The following NRG1 variants were observed in gnomAD, a reference collection of about 807,000 sequenced individuals.
NRG1 encodes the protein neuregulin 1, also known as pro-neuregulin-1, membrane-bound isoform.
A neutral mutation model predicts 63.8 loss-of-function variants in NRG1; 18 were observed. The ratio of observed to expected loss-of-function variants is 0.28; its 90% CI spans 0.19 to 0.42. The LOEUF (loss-of-function observed/expected upper bound fraction) is 0.42. Ranked by LOEUF, NRG1 falls within the 10% of genes least tolerant of loss-of-function variation. The probability of loss-of-function intolerance (pLI) is 1.00; values close to 1 mark genes in which losing one functional copy is unlikely to be tolerated. For missense variants in NRG1, 762 were observed against 814.7 expected, an observed-to-expected ratio of 0.94 and a Z score of 0.79; for synonymous variants, 302 against 301.3, an observed-to-expected ratio of 1.00 and a Z score of -0.02.
chr8:31,783,239 A>G (rs1455707106), intron 1 of NRG1, among the ~76,000 whole-genome samples: 2 of 152,244 alleles, frequency 1.3e-5, no homozygotes, highest in Admixed American at 6.5e-5. Context: ...ACCAAAACAC[A>G]TCATAACCAC....
intron 1 of NRG1, among the ~76,000 whole-genome samples, chr8:32,237,781 T>C (rs73578670): frequency 0.018 from 2,741 of 152,266 alleles, 96 homozygotes; most frequent in African/African-American, 0.063. Context: ...CTGGTTATTG[T>C]TATCATTTCG....
chr8:32,610,829 A>T (rs762537906), intron 3 of NRG1, among the ~76,000 whole-genome samples: 2 of 152,130 alleles, frequency 1.3e-5, no homozygotes, highest in Non-Finnish European at 2.9e-5. Flanking sequence ...ATAACAAAGG[A>T]TCTCATAGGC....
chr8:32,733,142 G>A (rs1193576075), intron 6 of NRG1, among the ~76,000 whole-genome samples: 1 of 152,070 alleles, frequency 6.6e-6, no homozygotes, highest in African/African-American at 2.4e-5. Flanking sequence ...TTACTTAAGA[G>A]TAGCAGTTTT....
intron 1 of NRG1, among the ~76,000 whole-genome samples, chr8:31,858,101 C>T (rs1828099905): frequency 6.6e-6 from 1 of 152,164 alleles, no homozygotes; most frequent in South Asian, 2.1e-4. Flanking sequence ...AGATCGAGAT[C>T]ATCCTGGCTA....
intron 1 of NRG1, among the ~76,000 whole-genome samples, chr8:32,461,128 T>C (rs1236337834): frequency 6.6e-6 from 1 of 152,170 alleles, no homozygotes; most frequent in Non-Finnish European, 1.5e-5. Context: ...TTCTGGCTCC[T>C]ACTCTTCCAA....
chr8:31,773,407 A>T (rs906115338), intron 1 of NRG1, among the ~76,000 whole-genome samples: 2 of 152,186 alleles, frequency 1.3e-5, no homozygotes, highest in African/African-American at 4.8e-5. Context: ...AAAAGAATTC[A>T]TCAAGGACTA....
intron 1 of NRG1, among the ~76,000 whole-genome samples, chr8:32,333,312 A>G (rs2129477749): frequency 6.6e-6 from 1 of 151,996 alleles, no homozygotes; most frequent in South Asian, 2.1e-4. Flanking sequence ...GCCCTAATTT[A>G]TTTTTTTCAC....
intron 1 of NRG1, among the ~76,000 whole-genome samples, chr8:31,823,528 G>A (rs906822861): frequency 5.9e-5 from 9 of 152,262 alleles, no homozygotes; most frequent in African/African-American, 1.7e-4. Flanking sequence ...GTTTCATGGC[G>A]TATTTAACAT....
At chr8:32,137,551 T>C (rs911944512) in intron 1 of NRG1, among the ~76,000 whole-genome samples, 3 of 152,224 alleles carry the variant, frequency 2.0e-5, no homozygotes. Flanking sequence ...GTGTGCACAA[T>C]TGCATGCATA....
At chr8:32,428,767 A>AT (rs1817743785) in intron 1 of NRG1, among the ~76,000 whole-genome samples, 1 of 152,210 alleles carries the variant, frequency 6.6e-6, no homozygotes, top group African/African-American at 2.4e-5. Flanking sequence ...TTATTTCAGC[A>AT]AAAGTAATGG....
chr8:32,428,123 G>T (rs2129486571), intron 1 of NRG1, among the ~76,000 whole-genome samples: 1 of 152,280 alleles, frequency 6.6e-6, no homozygotes, highest in South Asian at 2.1e-4. Context: ...CAAAGGCAAT[G>T]ATCACAGTGA....
chr8:31,671,139 A>G (rs1807097860), intron 1 of NRG1, among the ~76,000 whole-genome samples: 1 of 151,568 alleles, frequency 6.6e-6, no homozygotes, highest in Non-Finnish European at 1.5e-5. Flanking sequence ...CCATGATCTC[A>G]TTTTTTTTAA....
intron 1 of NRG1, among the ~76,000 whole-genome samples, chr8:32,513,701 G>T (rs926153078): frequency 6.6e-6 from 1 of 152,072 alleles, no homozygotes; most frequent in Non-Finnish European, 1.5e-5. Context: ...ATTTCCAACA[G>T]CATTTTTATA....
At chr8:32,396,843 T>C (rs1159540490) in intron 1 of NRG1, among the ~76,000 whole-genome samples, 1 of 152,248 alleles carries the variant, frequency 6.6e-6, no homozygotes. Flanking sequence ...TTCTCTACTA[T>C]GCTGACATCC....
chr8:32,585,204 G>GA (rs139883400), intron 1 of NRG1, among the ~76,000 whole-genome samples: 2 of 151,928 alleles, frequency 1.3e-5, no homozygotes, highest in South Asian at 2.1e-4. Flanking sequence ...TAATGCATAA[G>GA]AAAAAAATCC....
intron 1 of NRG1, among the ~76,000 whole-genome samples, chr8:32,476,014 A>G (rs1314905888): frequency 6.6e-6 from 1 of 152,182 alleles, no homozygotes; most frequent in East Asian, 1.9e-4. Flanking sequence ...GAAGAGTAGT[A>G]AAAATTAGAC....
At chr8:31,848,284 A>C (rs1407017811) in intron 1 of NRG1, among the ~76,000 whole-genome samples, 1 of 152,178 alleles carries the variant, frequency 6.6e-6, no homozygotes, top group Non-Finnish European at 1.5e-5. Flanking sequence ...GACTGCTCTC[A>C]AAATTAGGCC....
intron 1 of NRG1, among the ~76,000 whole-genome samples, chr8:32,529,955 G>A (rs1056765994): frequency 2.6e-5 from 4 of 152,178 alleles, no homozygotes; most frequent in Admixed American, 2.6e-4. Context: ...TCATTATCAA[G>A]TATTATGTAC....
chr8:32,262,300 C>T (rs188859951), intron 1 of NRG1, among the ~76,000 whole-genome samples: 1 of 152,154 alleles, frequency 6.6e-6, no homozygotes, highest in African/African-American at 2.4e-5. Context: ...ATTTCCAACA[C>T]AACCTCCAAT....
Sources: gnomAD v4.1 joint callset for allele counts (sites outside exome capture counted in the v4.1 genomes callset) on GRCh38, gnomAD v4.1.1 for gene constraint, MANE v1.5 for transcripts, NCBI Gene and HGNC (gene_info 2026-07-23, HGNC 2026-07-21) for gene names.